The following MIA3 variants were observed in gnomAD, a reference collection of about 807,000 sequenced individuals.
MIA3 encodes the protein transport and Golgi organization protein 1 homolog.
In MIA3, 90 loss-of-function variants were observed where a neutral mutation model predicts 192.4. The ratio of observed to expected loss-of-function variants is 0.47; its 90% CI spans 0.39 to 0.56. The LOEUF (loss-of-function observed/expected upper bound fraction) is 0.56, where lower values mean the gene tolerates loss of function less well. Among genes scored for constraint, MIA3 ranks in the 20% least tolerant of loss-of-function variants. MIA3 has a pLI of 0.00. For missense variants in MIA3, 2,123 were observed against 2,269.4 expected (o/e 0.94, Z 1.31); for synonymous variants, 740 against 792.8 (o/e 0.93, Z 1.12).
chr1:222,663,964 G>A (rs139658833), intron 26 of MIA3, 34 bp from the exon 27 acceptor site: 1 of 1,583,074 alleles, frequency 6.3e-7, no homozygotes, highest in Non-Finnish European at 8.6e-7. Context: ...TCATACCATA[G>A]TATTTCAAAA....
chr1:222,652,601 C>T (rs936526066), intron 13 of MIA3, among the ~76,000 whole-genome samples: 3 of 152,162 alleles, frequency 2.0e-5, no homozygotes, highest in Admixed American at 6.5e-5. Context: ...TGAGTAGCCT[C>T]GAGTGGGTAG....
At chr1:222,657,727 T>G (rs1663809459) in intron 18 of MIA3, among the ~76,000 whole-genome samples, 1 of 152,228 alleles carries the variant, frequency 6.6e-6, no homozygotes, top group Non-Finnish European at 1.5e-5. Context: ...TGAGCTCCAT[T>G]AGTGCAGAGG....
rs956871695 is a variant in MIA3, at chr1:222,624,710, A to G, written c.268-58A>G. ...ATTGAGGTTTGCAGCTCTATCGTTC[A>G]TATTTCTCATACAGAATTTGATTGA... is the stretch of plus-strand genomic sequence containing the variant. On this transcript the variant is annotated intron_variant, in intron 2 of 27. Transcript: ENST00000344922. The G allele has an allele frequency of 5.2e-5, 43 of 825,966 alleles. 1 individual carries two copies. The highest frequency in any genetic ancestry group is 7.6e-5 in the Non-Finnish European group (36 of 476,142). The allele number at this position is 825,966 out of a possible 1,614,324, so 51.2% of individuals were successfully genotyped here.
At chr1:222,634,123 T>C (rs1662528725) in intron 6 of MIA3, among the ~76,000 whole-genome samples, 1 of 152,134 alleles carries the variant, frequency 6.6e-6, no homozygotes, top group Non-Finnish European at 1.5e-5. Flanking sequence ...ATTACAGGCG[T>C]GAGCCACCAT....
Position 222,629,822 on chromosome 1 carries a change from G to T in MIA3, c.2602G>T (p.Ala868Ser). The T allele has an allele frequency of 1.9e-6, 3 of 1,613,928 alleles. No homozygotes were observed. The highest frequency in any genetic ancestry group is 2.5e-6 in the Non-Finnish European group (3 of 1,179,932). ...PEEHLKTSGL[A>S]GEPEGELSKE... ...GGAACATCTGAAGACCTCAGGGCTT[G>T]CAGGGGAGCCTGAGGGAGAACTCTC... is the stretch of plus-strand genomic sequence containing the variant. The change falls in exon 4 of 28, where the codon GCA becomes TCA. Residue 868 changes from alanine to serine, a missense_variant. Physicochemically the swap from Ala to Ser is moderately conservative, Grantham distance 99. Around this residue, in one of 3 missense-constraint regions of MIA3, gnomAD observed 1,357 missense variants for 1,396.1 expected, o/e 0.97. Transcript: ENST00000344922.
chr1:222,641,407 A>G, intron 6 of MIA3: 1 of 450,550 alleles, frequency 2.2e-6, no homozygotes, highest in East Asian at 5.7e-5. Flanking sequence ...TTTCTGCAAC[A>G]GATTCTTCAG....
chr1:222,656,534 A>G (rs924543598), intron 18 of MIA3, among the ~76,000 whole-genome samples: 1 of 151,326 alleles, frequency 6.6e-6, no homozygotes, highest in African/African-American at 2.4e-5. Flanking sequence ...TTGGTTTTTC[A>G]GCAGTTTTCT....
At chr1:222,619,572 T>C (rs1175623612) in intron 1 of MIA3, among the ~76,000 whole-genome samples, 1 of 152,228 alleles carries the variant, frequency 6.6e-6, no homozygotes, top group Non-Finnish European at 1.5e-5. Flanking sequence ...GATTTTTCCC[T>C]TTAGTTTTCT....
At chr1:222,621,391 G>C in intron 2 of MIA3, 99 bp downstream of exon 2, 1 of 1,207,086 alleles carries the variant, frequency 8.3e-7, no homozygotes, top group Non-Finnish European at 1.2e-6. Flanking sequence ...CTTTGATGGA[G>C]TTAACTTGTC....
chr1:222,654,247 C>A lies in MIA3; in HGVS notation c.4326C>A (p.Asp1442Glu). The A allele has an allele frequency of 1.9e-6, 3 of 1,613,322 alleles. No individual in the cohort carries two copies. Among genetic ancestry groups the A allele is most frequent in the Non-Finnish European group, 2.5e-6 (3 of 1,179,710 alleles). The change falls in exon 16 of 28, where the codon GAC (aspartate) becomes GAA (glutamate). Residue 1442 changes from aspartate to glutamate, a missense_variant. Asp to Glu is a conservative substitution (Grantham distance 45, BLOSUM62 2). Transcript: ENST00000344922. Reference protein sequence around the residue: ...DELANGEVGGDRNEKMKNQIK... With the variant: ...DELANGEVGGERNEKMKNQIK... ...AGAAAGCCTTTTGTTTTTTAGGTGA[C>A]CGGAATGAGAAGATGAAAAATCAAA...
intron 6 of MIA3, among the ~76,000 whole-genome samples, chr1:222,635,322 C>T (rs951437527): frequency 1.3e-5 from 2 of 152,206 alleles, no homozygotes; most frequent in African/African-American, 4.8e-5. Flanking sequence ...ACAGAGCCCT[C>T]TTCTAGGCCT....
intron 3 of MIA3, among the ~76,000 whole-genome samples, chr1:222,627,243 G>A (rs761495122): frequency 1.4e-4 from 21 of 152,166 alleles, no homozygotes; most frequent in South Asian, 2.1e-4. Context: ...CCTGTAAAAC[G>A]GACAGCATGG....
chr1:222,651,981 C>T lies in MIA3; in HGVS notation c.3914C>T (p.Ser1305Leu). The change falls in exon 12 of 28, where the codon TCA becomes TTA. Residue 1305 changes from serine to leucine, a missense_variant. By Grantham distance (145) the Ser-to-Leu change is moderately radical. Transcript: ENST00000344922. ...TGTTCTGTTTTTACATGGCAGATATCAGAAAACAAGAAATCTATAGAGAAG... is the reference window on the plus strand; with the variant it reads ...TGTTCTGTTTTTACATGGCAGATATTAGAAAACAAGAAATCTATAGAGAAG... ...EQNVKNQDLI[S>L]ENKKSIEKLK... 2 of 1,546,866 alleles carry T rather than the reference C, an allele frequency of 1.3e-6. No individual in the cohort carries two copies. The highest frequency in any genetic ancestry group is 2.2e-5 in the South Asian group (2 of 89,632).
Position 222,629,115 on chromosome 1 carries a change from TCTC to T in MIA3, c.1899_1901del (p.Ser634del), listed in dbSNP as rs1481717589. ...CTTAAAACTCAAAACCAACCTAGAT[TCTC>T]CTCTCCAGATGAGATTGATTTGCCC... On this transcript the variant is annotated inframe_deletion, in exon 4 of 28. Coordinates refer to ENST00000344922, the MANE Select transcript of MIA3 (RefSeq NM_198551.4). The T allele has an allele frequency of 6.2e-7, 1 of 1,613,994 alleles. No homozygotes were observed. The highest frequency in any genetic ancestry group is 1.3e-5 in the African/African-American group (1 of 74,874).
intron 2 of MIA3, among the ~76,000 whole-genome samples, chr1:222,621,502 T>G (rs564913481): frequency 6.6e-6 from 1 of 152,282 alleles, no homozygotes; most frequent in South Asian, 2.1e-4. Context: ...TAGAACTGAT[T>G]CTGGCAAGTT....
intron 2 of MIA3, among the ~76,000 whole-genome samples, chr1:222,622,946 C>T (rs147161457): frequency 6.6e-6 from 1 of 152,294 alleles, no homozygotes; most frequent in East Asian, 1.9e-4. Flanking sequence ...TTAGGTGGCA[C>T]TTTGTTTGCA....
At chr1:222,618,272 C>T (rs371054016) in intron 1 of MIA3, 29 bp downstream of exon 1, 4 of 1,367,854 alleles carry the variant, frequency 2.9e-6, no homozygotes, top group South Asian at 1.5e-5. Context: ...CGGCTGGCCT[C>T]GGGGCGGCTG....
At chr1:222,624,424 T>C (rs755170275) in intron 2 of MIA3, among the ~76,000 whole-genome samples, 46 of 152,234 alleles carry the variant, frequency 3.0e-4, no homozygotes, top group Non-Finnish European at 5.9e-4. Flanking sequence ...AGCTCAAGTA[T>C]TGTGAGTATC....
At chr1:222,644,906 G>T (rs1054660271) in intron 6 of MIA3, among the ~76,000 whole-genome samples, 61 of 152,248 alleles carry the variant, frequency 4.0e-4, no homozygotes, top group African/African-American at 1.3e-3. Flanking sequence ...TGGGACCAGT[G>T]TGATAGTGTA....
Sources: gnomAD v4.1 joint callset for allele counts (sites outside exome capture counted in the v4.1 genomes callset) on GRCh38, gnomAD v4.1.1 for gene constraint, gnomAD v4.1.1 regional missense constraint, MANE v1.5 for transcripts, NCBI Gene and HGNC (gene_info 2026-07-23, HGNC 2026-07-21) for gene names.